IQCH: variants seen among roughly 807,000 people sequenced by gnomAD.
IQCH encodes IQ motif containing H.
Under a neutral mutation model 117.0 loss-of-function variants are expected in IQCH, and 98 were observed. The ratio of observed to expected loss-of-function variants is 0.84; its 90% CI spans 0.71 to 0.99. The LOEUF (loss-of-function observed/expected upper bound fraction) is 0.99. Among genes scored for constraint, IQCH ranks in the 50% least tolerant of loss-of-function variants. IQCH has a pLI of 0.00. For synonymous variants in IQCH, 412 were observed against 448.2 expected, an observed-to-expected ratio of 0.92 and a Z score of 1.02; for missense variants, 1,102 against 1,243.8, an observed-to-expected ratio of 0.89 and a Z score of 1.72.
rs902066925 is a variant in IQCH, at chr15:67,431,652, C to G, written c.2505+10075C>G. ...AACTTAAAAGTTAAAAAAAAACACA[C>G]ATTGTTCTTTATATTTCACAGGAAA... On this transcript the variant is annotated intron_variant, in intron 16 of 20. Transcript: ENST00000335894. The surrounding 1 kb of genome is among the most constrained non-coding windows in gnomAD (Gnocchi z 4.8). Among the ~76,000 whole-genome samples the G allele has an allele frequency of 2.6e-5, 4 of 152,088 alleles. No homozygotes were observed. The highest frequency in any genetic ancestry group is 4.4e-5 in the Non-Finnish European group (3 of 68,020).
rs1362948778 is a variant in IQCH at position 67,416,062 on chromosome 15, C to CA, written c.2098-863dup. Among the ~76,000 whole-genome samples the CA allele has an allele frequency of 6.6e-6, 1 of 151,940 alleles. No individual in the cohort carries two copies. The highest frequency in any genetic ancestry group is 2.4e-5 in the African/African-American group (1 of 41,360). ...TAGGTGACACAGCAAGACCCTGTCT[C>CA]AAAAAATTTTTTTTAAAAATTAAAA... On this transcript the variant is annotated intron_variant, in intron 14 of 20. Coordinates refer to ENST00000335894, the MANE Select transcript of IQCH (RefSeq NM_001031715.3). The surrounding 1 kb of genome is among the most constrained non-coding windows in gnomAD (Gnocchi z 5.1).
In IQCH at chr15:67,427,181, T is replaced by C. The variant is rs1346453988; in HGVS notation, c.2505+5604T>C. Reference sequence around the variant, plus strand: ...GTCTTTATCCCTCAATATAGTTACTTCTTTGCTTAGTCAGTTTACTTATTT... The same window carrying C: ...GTCTTTATCCCTCAATATAGTTACTCCTTTGCTTAGTCAGTTTACTTATTT... On this transcript the variant is annotated intron_variant, in intron 16 of 20. Coordinates refer to ENST00000335894, the MANE Select transcript of IQCH (RefSeq NM_001031715.3). This position sits in a 1 kb window ranked among gnomAD's most constrained non-coding sequence, Gnocchi z 4.7. Among the ~76,000 whole-genome samples, 1 of 152,154 alleles carries C rather than the reference T, an allele frequency of 6.6e-6. No homozygotes were observed. The highest frequency in any genetic ancestry group is 1.5e-5 in the Non-Finnish European group (1 of 68,028).
In IQCH at chr15:67,376,087, G is replaced by A. The variant is rs891848644; in HGVS notation, c.1372+2654G>A. On this transcript the variant is annotated intron_variant, in intron 10 of 20. Transcript: ENST00000335894. This position sits in a 1 kb window ranked among gnomAD's most constrained non-coding sequence, Gnocchi z 5.0. The stretch of plus-strand genomic sequence containing the variant: ...TAGGTGTGAGCCACCGCATCCGGCC[G>A]TGCTTTGGATTTTATACAAATGACT... Among the ~76,000 whole-genome samples the A allele has an allele frequency of 1.3e-5, 2 of 151,914 alleles. No homozygotes were observed. Among genetic ancestry groups the A allele is most frequent in the South Asian group, 2.1e-4 (1 of 4,816 alleles).
At chr15:67,470,528 A>G (rs939110723) in intron 17 of IQCH, among the ~76,000 whole-genome samples, 6 of 152,156 alleles carry the variant, frequency 3.9e-5, no homozygotes, top group African/African-American at 1.4e-4. Flanking sequence ...TTTCCTATAC[A>G]TAGCACAGAT....
chr15:67,384,252 A>T lies in IQCH; in HGVS notation c.1373-684A>T, dbSNP rs1971034648. On this transcript the variant is annotated intron_variant, in intron 10 of 20. Transcript: ENST00000335894. The surrounding 1 kb of genome is among the most constrained non-coding windows in gnomAD (Gnocchi z 4.3). ...TTTTAATGACCTGAAATATCAGCAG[A>T]AAGTATTTCCGCTGTTGTTTCTTTT... Among the ~76,000 whole-genome samples the T allele has an allele frequency of 6.6e-6, 1 of 152,150 alleles. No individual in the cohort carries two copies. The highest frequency in any genetic ancestry group is 2.1e-4 in the South Asian group (1 of 4,832).
chr15:67,255,084 A>G, intron 1 of IQCH, 137 bp downstream of exon 1: 7 of 832,086 alleles, frequency 8.4e-6, no homozygotes, highest in Non-Finnish European at 1.4e-5. Context: ...GAGGCTCCCA[A>G]AAATGCCCAC....
intron 4 of IQCH, among the ~76,000 whole-genome samples, chr15:67,294,283 T>C (rs1320037540): frequency 6.6e-6 from 1 of 152,194 alleles, no homozygotes; most frequent in African/African-American, 2.4e-5. Context: ...CTCAGCTAGA[T>C]TAGATGCCAT....
intron 3 of IQCH, 69 bp downstream of exon 3, chr15:67,263,285 G>A: frequency 1.3e-6 from 1 of 793,458 alleles, no homozygotes; most frequent in Non-Finnish European, 2.2e-6. Flanking sequence ...ACTCAAGTGA[G>A]ATGACTATAA....
chr15:67,458,487 T>G lies in IQCH; in HGVS notation c.2506-6640T>G, dbSNP rs2141007420. ...AGTCTTCCTAACTGGACTCCCTGTT[T>G]CCATCCTTGCCCCCTCAGGGCCTCT... On this transcript the variant is annotated intron_variant, in intron 16 of 20. Coordinates refer to ENST00000335894, the MANE Select transcript of IQCH (RefSeq NM_001031715.3). The surrounding 1 kb of genome is among the most constrained non-coding windows in gnomAD (Gnocchi z 4.1). Among the ~76,000 whole-genome samples, 1 of 152,348 alleles carries G rather than the reference T, an allele frequency of 6.6e-6. No homozygotes were observed. Among genetic ancestry groups the G allele is most frequent in the South Asian group, 2.1e-4 (1 of 4,824 alleles).
chr15:67,327,803 G>A (rs535684419), intron 4 of IQCH, among the ~76,000 whole-genome samples: 1 of 152,250 alleles, frequency 6.6e-6, no homozygotes, highest in Non-Finnish European at 1.5e-5. Flanking sequence ...GATACATGGA[G>A]CTCAGAGGTC....
Position 67,457,528 on chromosome 15 carries a change from T to G in IQCH, c.2506-7599T>G, listed in dbSNP as rs1213510808. 6.6e-6 allele frequency among the ~76,000 whole-genome samples: 1 copy of G among 152,204 alleles called. No homozygotes were observed. Among genetic ancestry groups the G allele is most frequent in the African/African-American group, 2.4e-5 (1 of 41,444 alleles). On this transcript the variant is annotated intron_variant, in intron 16 of 20. Coordinates refer to ENST00000335894, the MANE Select transcript of IQCH (RefSeq NM_001031715.3). The surrounding 1 kb of genome is among the most constrained non-coding windows in gnomAD (Gnocchi z 5.7). The stretch of plus-strand genomic sequence containing the variant: ...CAAGAACCAAGTGAATTCTTACACC[T>G]GCTCAAACTCTGCTCCCAACAGTCA...
intron 16 of IQCH, among the ~76,000 whole-genome samples, chr15:67,438,531 G>C (rs553995043): frequency 6.6e-6 from 1 of 152,160 alleles, no homozygotes; most frequent in South Asian, 2.1e-4. Flanking sequence ...AGGCAACGAA[G>C]AGCAGGATGA....
intron 5 of IQCH, among the ~76,000 whole-genome samples, chr15:67,340,460 A>C (rs1351589039): frequency 2.3e-5 from 3 of 133,176 alleles, no homozygotes; most frequent in South Asian, 2.4e-4. Flanking sequence ...AAAAAAAAAA[A>C]AAAACAGTAA....
intron 4 of IQCH, among the ~76,000 whole-genome samples, chr15:67,313,094 G>T (rs909494287): frequency 6.6e-6 from 1 of 152,096 alleles, no homozygotes; most frequent in African/African-American, 2.4e-5. Context: ...AGGCCATAAA[G>T]TTTGGGCAAT....
In IQCH at chr15:67,372,560, G is replaced by C. The variant is rs1970582372; in HGVS notation, c.1203G>C (p.Val401=). 3.2e-5 allele frequency: 52 copies of C among 1,613,880 alleles called. No individual in the cohort carries two copies. Among genetic ancestry groups the C allele is most frequent in the Non-Finnish European group, 4.2e-5 (50 of 1,179,954 alleles). ...FYRQQKWASG[V]IAIAWLLYCH... is the part of the protein sequence containing the mutation. ...GCCAGCAGAAGTGGGCATCAGGTGT[G>C]ATTGCCATTGCTTGGCTGTTATATT... Residue 401 remains valine, a synonymous_variant, in exon 9 of 21, where the codon GTG becomes GTC. Transcript: ENST00000335894.
At position 67,494,274 on chromosome 15, in the gene IQCH, C is replaced by A; in HGVS notation, c.2878C>A (p.Leu960Ile). 1 of 1,610,584 alleles carries A rather than the reference C, an allele frequency of 6.2e-7. No individual in the cohort carries two copies. Among genetic ancestry groups the A allele is most frequent in the Non-Finnish European group, 8.5e-7 (1 of 1,179,038 alleles). ...KLGMLTIGEDLQGVLMTFARH... is the reference protein window; with the variant it reads ...KLGMLTIGEDIQGVLMTFARH... ...CATTAACAGAACAATCGGCGAGGAT[C>A]TCCAGGGGGTCCTCATGACCTTTGC... Residue 960 changes from leucine (L) to isoleucine (I), a missense_variant, in exon 20 of 21, where the codon CTC (leucine) becomes ATC (isoleucine). Physicochemically the swap from Leu to Ile is conservative, Grantham distance 5. Around this residue, in one of 2 missense-constraint regions of IQCH, gnomAD observed 650 missense variants for 794.3 expected, o/e 0.82. Coordinates refer to ENST00000335894, the MANE Select transcript of IQCH (RefSeq NM_001031715.3). This position sits in a 1 kb window ranked among gnomAD's most constrained non-coding sequence, Gnocchi z 5.5.
chr15:67,470,765 A>G (rs573453904), intron 17 of IQCH, among the ~76,000 whole-genome samples: 1 of 152,196 alleles, frequency 6.6e-6, no homozygotes, highest in Admixed American at 6.5e-5. Context: ...AGGTGGAAAC[A>G]GTCACACATG....
intron 8 of IQCH, among the ~76,000 whole-genome samples, chr15:67,371,837 AT>A (rs549782617): frequency 6.6e-6 from 1 of 152,162 alleles, no homozygotes; most frequent in East Asian, 1.9e-4. Context: ...TAAATGCATA[AT>A]TTTTTATGAC....
rs1231959991 is a variant in IQCH, at chr15:67,386,597, G to A, written c.1456+1578G>A. 6.6e-6 allele frequency among the ~76,000 whole-genome samples: 1 copy of A among 151,958 alleles called. No individual in the cohort carries two copies. Among genetic ancestry groups the A allele is most frequent in the Non-Finnish European group, 1.5e-5 (1 of 67,992 alleles). On this transcript the variant is annotated intron_variant, in intron 11 of 20. Coordinates refer to ENST00000335894, the MANE Select transcript of IQCH (RefSeq NM_001031715.3). The surrounding 1 kb of genome is among the most constrained non-coding windows in gnomAD (Gnocchi z 5.0). ...GAAGAATACATTATTATCCCCTATGGTTTTTCTTCTTATTCGGGGGAAACA... is the reference window on the plus strand; with the variant it reads ...GAAGAATACATTATTATCCCCTATGATTTTTCTTCTTATTCGGGGGAAACA...
Sources: gnomAD v4.1 joint callset for allele counts (sites outside exome capture counted in the v4.1 genomes callset) on GRCh38, gnomAD v4.1.1 for gene constraint, gnomAD v4.1.1 regional missense constraint, Gnocchi (gnomAD v3.1) non-coding constraint, MANE v1.5 for transcripts, NCBI Gene and HGNC (gene_info 2026-07-23, HGNC 2026-07-21) for gene names.